Variants in GPBP1L1 observed in about 807,000 individuals in gnomAD.
The protein encoded by GPBP1L1 is vasculin-like protein 1.
A neutral mutation model predicts 52.5 loss-of-function variants in GPBP1L1; 23 were observed. The observed-to-expected ratio is 0.44, with a 90% CI of 0.32 to 0.62. The LOEUF is 0.62. Among genes scored for constraint, GPBP1L1 ranks in the 20% least tolerant of loss-of-function variants. GPBP1L1 has a pLI of 0.06. For synonymous variants in GPBP1L1, 243 were observed against 203.1 expected (o/e 1.20, Z -1.67); for missense variants, 596 against 579.3 (o/e 1.03, Z -0.30).
At chr1:45,664,161 A>C (rs565886069) in intron 2 of GPBP1L1, among the ~76,000 whole-genome samples, 1 of 152,212 alleles carries the variant, frequency 6.6e-6, no homozygotes, top group Non-Finnish European at 1.5e-5. Context: ...TCTACTAAAA[A>C]TACAAAAAAT....
At chr1:45,665,084 T>A (rs1644993655) in intron 2 of GPBP1L1, among the ~76,000 whole-genome samples, 1 of 149,278 alleles carries the variant, frequency 6.7e-6, no homozygotes, top group Admixed American at 6.7e-5. Flanking sequence ...AAATCAGGAG[T>A]TCGAGACCAG....
intron 8 of GPBP1L1, chr1:45,634,800 C>G (rs1225268508): frequency 6.6e-6 from 1 of 152,600 alleles, no homozygotes; most frequent in Non-Finnish European, 1.5e-5. Context: ...GTCTACTCAA[C>G]TCTGCAGGGT....
At chr1:45,628,992 T>C (rs144239902) in intron 12 of GPBP1L1, among the ~76,000 whole-genome samples, 1 of 152,344 alleles carries the variant, frequency 6.6e-6, no homozygotes, top group East Asian at 1.9e-4. Flanking sequence ...GAGTTCTAAG[T>C]GGCAAGGTCT....
At chr1:45,676,710 C>CAAAA (rs1189531708) in intron 2 of GPBP1L1, among the ~76,000 whole-genome samples, 4 of 63,266 alleles carry the variant, frequency 6.3e-5, no homozygotes, top group East Asian at 5.0e-4. Flanking sequence ...AACTCTGTCT[C>CAAAA]AAAAAAAAAA....
intron 6 of GPBP1L1, among the ~76,000 whole-genome samples, chr1:45,647,673 G>C (rs1644767511): frequency 6.6e-6 from 1 of 152,204 alleles, no homozygotes; most frequent in Admixed American, 6.5e-5. Flanking sequence ...TGAGCTCAGA[G>C]ACCAGCAGCT....
At chr1:45,654,403 C>A in intron 6 of GPBP1L1, 140 bp downstream of exon 6, 1 of 833,126 alleles carries the variant, frequency 1.2e-6, no homozygotes, top group South Asian at 2.3e-5. Context: ...AACTTAACTT[C>A]TTTCCTCTAA....
chr1:45,661,122 G>C lies in GPBP1L1; in HGVS notation c.-994C>G, dbSNP rs983926369. On this transcript the variant is annotated 5_prime_UTR_variant, in exon 3 of 13. Coordinates refer to ENST00000355105, the MANE Select transcript of GPBP1L1 (RefSeq NM_021639.5). ...AAAATCTAAATTGAGCCACTGGAAG[G>C]AGATATGAAGAATCTTCTATGCTTT... 1 of 152,180 alleles carries C rather than the reference G, an allele frequency of 6.6e-6. No individual in the cohort carries two copies. Among genetic ancestry groups the C allele is most frequent in the Non-Finnish European group, 1.5e-5 (1 of 68,032 alleles). The allele number at this position is 152,180 out of a possible 1,614,324, so 9.4% of individuals were successfully genotyped here.
Position 45,627,999 on chromosome 1 carries a change from GGT to G in GPBP1L1, c.*255_*256del. On this transcript the variant is annotated 3_prime_UTR_variant, in exon 13 of 13. Coordinates refer to ENST00000355105, the MANE Select transcript of GPBP1L1 (RefSeq NM_021639.5). ...CCTGTGCATCGCCCCATATATACTG[GGT>G]GTGTATGTGTGTGTGTGTGTGAGTG... 2.5e-6 allele frequency: 1 copy of G among 393,894 alleles called. No homozygotes were observed. Among genetic ancestry groups the G allele is most frequent in the Non-Finnish European group, 4.7e-6 (1 of 214,358 alleles). The allele number at this position is 393,894 out of a possible 1,614,324, so 24.4% of individuals were successfully genotyped here.
chr1:45,660,553 A>C lies in GPBP1L1; in HGVS notation c.-425T>G. 1.0e-6 allele frequency: 1 copy of C among 985,294 alleles called. No homozygotes were observed. The highest frequency in any genetic ancestry group is 1.2e-6 in the Non-Finnish European group (1 of 829,802). The allele number at this position is 985,294 out of a possible 1,614,324, so 61.0% of individuals were successfully genotyped here. A position where few individuals can be genotyped will look rare whatever the true frequency, so the allele number is the denominator to read the frequency against. On this transcript the variant is annotated 5_prime_UTR_variant, in exon 3 of 13. Transcript: ENST00000355105. ...TTGCTTAATTAGGTAAGACATGGAT[A>C]TTTGCACCGAGTGCAAATACTGTTC...
At chr1:45,633,463 C>T (rs780300738) in intron 10 of GPBP1L1, 26 bp downstream of exon 10, 1 of 1,608,808 alleles carries the variant, frequency 6.2e-7, no homozygotes, top group East Asian at 2.2e-5. Flanking sequence ...TCCTAGGCTA[C>T]CCCCAGAAAA....
rs1644870049 is a variant in GPBP1L1 at position 45,655,211 on chromosome 1, C to G, written c.169G>C (p.Gly57Arg). The change falls in exon 5 of 13, where the codon GGT (glycine) becomes CGT (arginine). Residue 57 changes from glycine (G) to arginine (R), a missense_variant. Physicochemically the swap from Gly to Arg is moderately radical, Grantham distance 125. Transcript: ENST00000355105. Reference protein sequence around the residue: ...HNSSDGFFNNGPLRTAGDSWH... With the variant: ...HNSSDGFFNNRPLRTAGDSWH... The stretch of plus-strand genomic sequence containing the variant: ...TCACCTCCTGCAGTTCGTAGGGGAC[C>G]ATTGTTAAAAAAACCATCAGAGGAA... The G allele has an allele frequency of 6.2e-7, 1 of 1,614,016 alleles. No individual in the cohort carries two copies. The highest frequency in any genetic ancestry group is 8.5e-7 in the Non-Finnish European group (1 of 1,179,978).
At chr1:45,665,763 A>G (rs1055904018) in intron 2 of GPBP1L1, among the ~76,000 whole-genome samples, 2 of 151,456 alleles carry the variant, frequency 1.3e-5, no homozygotes, top group African/African-American at 4.9e-5. Context: ...AAAAAAAAAA[A>G]AAAAGGAAAG....
chr1:45,655,482 T>A, intron 4 of GPBP1L1, 163 bp from the exon 5 acceptor site: 3 of 671,120 alleles, frequency 4.5e-6, no homozygotes, highest in Non-Finnish European at 5.0e-6. Flanking sequence ...GTGCCTAATT[T>A]AGAGAAGTCC....
chr1:45,636,851 T>G (rs1387916819), intron 8 of GPBP1L1, among the ~76,000 whole-genome samples: 1 of 152,190 alleles, frequency 6.6e-6, no homozygotes, highest in African/African-American at 2.4e-5. Flanking sequence ...TCTTCATCCT[T>G]CAAGACAGGA....
intron 4 of GPBP1L1, among the ~76,000 whole-genome samples, chr1:45,657,577 G>A (rs1644899991): frequency 6.6e-6 from 1 of 152,108 alleles, no homozygotes; most frequent in Admixed American, 6.6e-5. Flanking sequence ...AGTTTAGCCT[G>A]GTACAGTGGC....
intron 11 of GPBP1L1, 85 bp from the exon 12 acceptor site, chr1:45,629,763 T>G: frequency 2.2e-6 from 2 of 908,404 alleles, no homozygotes; most frequent in Non-Finnish European, 3.6e-6. Context: ...AGAAAAGTTT[T>G]CTGCCCAGGG....
At position 45,627,939 on chromosome 1, in the gene GPBP1L1, C is replaced by A. The variant is rs1569732930; in HGVS notation, c.*317G>T. ...TGGTAGTAGAAGCTGTTGCTGCAGA[C>A]CAGTGTCTCCTCTTCCCTGCACTGC... is the stretch of plus-strand genomic sequence containing the variant. On this transcript the variant is annotated 3_prime_UTR_variant, in exon 13 of 13. Coordinates refer to ENST00000355105, the MANE Select transcript of GPBP1L1 (RefSeq NM_021639.5). The A allele has an allele frequency of 4.8e-6, 1 of 207,956 alleles. No homozygotes were observed. Among genetic ancestry groups the A allele is most frequent in the East Asian group, 1.1e-4 (1 of 8,854 alleles). The allele number at this position is 207,956 out of a possible 1,614,324, so 12.9% of individuals were successfully genotyped here. A position where few individuals can be genotyped will look rare whatever the true frequency, so the allele number is the denominator to read the frequency against.
Position 45,666,392 on chromosome 1 carries a change from C to T in GPBP1L1, c.-1097-5167G>A, listed in dbSNP as rs569414807. 9.4e-4 allele frequency among the ~76,000 whole-genome samples: 143 copies of T among 152,162 alleles called. 1 individual carries two copies. The highest frequency in any genetic ancestry group is 3.3e-3 in the African/African-American group (139 of 41,496). ...AACTCCTGACCTCAGGTGATCCGCC[C>T]GCCTCGGCCTCCCAAAGTGCTGGGA... On this transcript the variant is annotated intron_variant, in intron 2 of 12. Transcript: ENST00000355105.
At chr1:45,629,074 C>G (rs543939208) in intron 12 of GPBP1L1, among the ~76,000 whole-genome samples, 12 of 152,310 alleles carry the variant, frequency 7.9e-5, no homozygotes, top group Admixed American at 3.9e-4. Context: ...ACCAGAAGTT[C>G]AAGGATTTTT....
Sources: allele counts gnomAD v4.1 joint callset (sites outside exome capture counted in the v4.1 genomes callset), GRCh38; gene constraint gnomAD v4.1.1; transcripts MANE v1.5; gene names NCBI Gene and HGNC (gene_info 2026-07-23, HGNC 2026-07-21).